ATAD5: variants seen among roughly 807,000 people sequenced by gnomAD.
ATAD5 encodes the protein ATPase family AAA domain-containing protein 5.
ATAD5 carries 58 observed loss-of-function variants against 176.9 expected under a neutral mutation model. That is an observed-to-expected ratio of 0.33 (90% CI 0.27 to 0.41). ATAD5 has a LOEUF of 0.41. Ranked by LOEUF, ATAD5 falls within the 10% of genes least tolerant of loss-of-function variation. The pLI, the probability that ATAD5 is intolerant of heterozygous loss-of-function variation, is 1.00. For synonymous variants in ATAD5, 640 were observed against 712.6 expected, an observed-to-expected ratio of 0.90 and a Z score of 1.62; for missense variants, 1,789 against 2,094.1, an observed-to-expected ratio of 0.85 and a Z score of 2.84.
intron 6 of ATAD5, among the ~76,000 whole-genome samples, chr17:30,850,833 TTATATATATA>T (rs1312470807): frequency 1.8e-3 from 49 of 27,838 alleles, no homozygotes; most frequent in South Asian, 6.8e-3. Flanking sequence ...TTATATATTT[TTATATATATA>T]TATATATATA....
At position 30,834,245 on chromosome 17, in the gene ATAD5, C is replaced by T; in HGVS notation, c.164C>T (p.Ala55Val). ...GGGAAGACTAGAGACAGGGTTTTTG[C>T]TCCACCAAAACCTAGTAATATTCTG... ...PLGKTRDRVF[A>V]PPKPSNILDY... is the part of the protein sequence containing the mutation. Residue 55 changes from alanine (A) to valine (V), a missense_variant, in exon 2 of 23, where the codon GCT becomes GTT. Ala to Val is a moderately conservative substitution (Grantham distance 64). Transcript: ENST00000321990. 1 of 1,612,710 alleles carries T rather than the reference C, an allele frequency of 6.2e-7. No individual in the cohort carries two copies. The highest frequency in any genetic ancestry group is 8.5e-7 in the Non-Finnish European group (1 of 1,179,466).
intron 9 of ATAD5, among the ~76,000 whole-genome samples, chr17:30,858,637 C>T (rs1907432475): frequency 6.6e-6 from 1 of 152,098 alleles, no homozygotes; most frequent in Admixed American, 6.6e-5. Flanking sequence ...CCATCTACCT[C>T]AGCCCCCCAA....
chr17:30,887,474 T>TG, intron 19 of ATAD5, 102 bp downstream of exon 19: 2 of 969,814 alleles, frequency 2.1e-6, no homozygotes, highest in Non-Finnish European at 3.1e-6. Context: ...CCCAGCACTT[T>TG]GGGGGAGTGA....
At chr17:30,880,443 TATTA>T (rs1456135353) in intron 18 of ATAD5, among the ~76,000 whole-genome samples, 5 of 151,906 alleles carry the variant, frequency 3.3e-5, no homozygotes, top group African/African-American at 1.2e-4. Flanking sequence ...ACCCCATCTC[TATTA>T]AAAATACAAA....
At chr17:30,880,907 C>T (rs1020441473) in intron 18 of ATAD5, among the ~76,000 whole-genome samples, 4 of 151,842 alleles carry the variant, frequency 2.6e-5, no homozygotes, top group African/African-American at 9.7e-5. Flanking sequence ...TTATGCAGAT[C>T]AGAATATAGA....
chr17:30,885,619 CTTTCTTTT>C (rs1909268758), intron 18 of ATAD5, among the ~76,000 whole-genome samples: 1 of 110,478 alleles, frequency 9.1e-6, no homozygotes, highest in Non-Finnish European at 1.9e-5. Context: ...TTTATTCCAA[CTTTCTTTT>C]TTTTTTTTTT....
Position 30,855,309 on chromosome 17 carries a change from G to A in ATAD5, c.2617G>A (p.Val873Met), listed in dbSNP as rs751079635. 1 of 1,590,666 alleles carries A rather than the reference G, an allele frequency of 6.3e-7. No individual in the cohort carries two copies. The highest frequency in any genetic ancestry group is 1.2e-5 in the South Asian group (1 of 86,698). ...TACCAGTTTCCAGAGAGTCGTACAT[G>A]TGCAACAAAAGGATGATGGTAAGTT... ...VSTSFQRVVH[V>M]QQKDDGCCLW... Residue 873 changes from valine to methionine, a missense_variant, in exon 7 of 23, where the codon GTG (valine) becomes ATG (methionine). By Grantham distance (21) the Val-to-Met change is conservative (BLOSUM62 1). Around this residue, in one of 6 missense-constraint regions of ATAD5, gnomAD observed 487 missense variants for 573.6 expected, o/e 0.85. Coordinates refer to ENST00000321990, the MANE Select transcript of ATAD5 (RefSeq NM_024857.5).
intron 19 of ATAD5, among the ~76,000 whole-genome samples, chr17:30,888,778 C>T (rs1909461870): frequency 6.6e-6 from 1 of 151,932 alleles, no homozygotes; most frequent in Non-Finnish European, 1.5e-5. Context: ...TTTAAAAAAA[C>T]ACACACAGGC....
At chr17:30,879,585 C>T (rs1305592931) in intron 18 of ATAD5, 98 bp downstream of exon 18, 35 of 1,048,328 alleles carry the variant, frequency 3.3e-5, no homozygotes, top group Non-Finnish European at 3.8e-5. Context: ...TTTTTTGAGA[C>T]GGAGTCTTGC....
At chr17:30,879,356 T>C in intron 17 of ATAD5, 67 bp from the exon 18 acceptor site, 1 of 1,556,522 alleles carries the variant, frequency 6.4e-7, no homozygotes, top group South Asian at 1.1e-5. Context: ...AAGTATAACT[T>C]GAAAAAGTTA....
In ATAD5 at chr17:30,835,861, A is replaced by C. The variant is rs377421631; in HGVS notation, c.1780A>C (p.Thr594Pro). The C allele has an allele frequency of 4.3e-6, 7 of 1,613,950 alleles. No individual in the cohort carries two copies. In the African/African-American group the frequency reaches 9.3e-5, roughly 22 times the overall value. The stretch of plus-strand genomic sequence containing the variant: ...GCTAAATGTTTCCACGCCCAAGTCA[A>C]CTAGAAGATCTGGAAGAATTAGCAG... ...SLLNVSTPKSTRRSGRISSTP... is the reference protein window; with the variant it reads ...SLLNVSTPKSPRRSGRISSTP... Residue 594 changes from threonine (T) to proline (P), a missense_variant, in exon 2 of 23, where the codon ACT (threonine) becomes CCT (proline). This residue lies in a region of ATAD5 where 696 missense variants were observed against 712.5 expected (regional missense o/e 0.98). Coordinates refer to ENST00000321990, the MANE Select transcript of ATAD5 (RefSeq NM_024857.5).
At chr17:30,865,297 C>T (rs558161918) in intron 10 of ATAD5, among the ~76,000 whole-genome samples, 1 of 151,982 alleles carries the variant, frequency 6.6e-6, no homozygotes, top group African/African-American at 2.4e-5. Context: ...CTCAGCCTCC[C>T]GAGTAGCTGG....
chr17:30,834,006 C>T, intron 1 of ATAD5, 142 bp from the exon 2 acceptor site: 1 of 715,858 alleles, frequency 1.4e-6, no homozygotes. Flanking sequence ...AGCCTATTTT[C>T]TTTCTAATAT....
intron 11 of ATAD5, among the ~76,000 whole-genome samples, chr17:30,866,759 G>A (rs1908011373): frequency 6.6e-6 from 1 of 152,024 alleles, no homozygotes; most frequent in African/African-American, 2.4e-5. Context: ...GGATTGCAGC[G>A]AGCCGAGGTC....
At chr17:30,864,124 A>C (rs1399977791) in intron 10 of ATAD5, 1 of 152,140 alleles carries the variant, frequency 6.6e-6, no homozygotes, top group East Asian at 1.9e-4. Flanking sequence ...TATGCCACAA[A>C]TTATTTCTCA....
At chr17:30,862,945 C>T (rs1177152473) in intron 10 of ATAD5, 1 of 151,880 alleles carries the variant, frequency 6.6e-6, no homozygotes, top group Non-Finnish European at 1.5e-5. Flanking sequence ...AATCCCAGCA[C>T]TTTGAGAGGC....
chr17:30,876,337 GA>G (rs1450479341), intron 14 of ATAD5, 36 bp from the exon 15 acceptor site: 1 of 1,532,150 alleles, frequency 6.5e-7, no homozygotes, highest in East Asian at 2.3e-5. Flanking sequence ...ATGATTTTTA[GA>G]ATATTTATCT....
At chr17:30,842,182 T>C (rs1022349511) in intron 4 of ATAD5, among the ~76,000 whole-genome samples, 8 of 151,820 alleles carry the variant, frequency 5.3e-5, no homozygotes, top group African/African-American at 1.5e-4. Context: ...GGCAGAAGAA[T>C]CACTTGAACC....
Position 30,835,665 on chromosome 17 carries a change from C to A in ATAD5, c.1584C>A (p.Phe528Leu). ...TAAGACAAAGGAAAACAGAGTTTTT[C>A]AAAAGCAGCACTTTATTTAACAATG... ...MSLRQRKTEF[F>L]KSSTLFNNES... Residue 528 changes from phenylalanine to leucine, a missense_variant, in exon 2 of 23, where the codon TTC becomes TTA. By Grantham distance (22) the Phe-to-Leu change is conservative (BLOSUM62 0). Transcript: ENST00000321990. 1 of 1,604,402 alleles carries A rather than the reference C, an allele frequency of 6.2e-7. No homozygotes were observed. The highest frequency in any genetic ancestry group is 1.1e-5 in the South Asian group (1 of 88,490).
Sources: gnomAD v4.1 joint callset for allele counts (sites outside exome capture counted in the v4.1 genomes callset) on GRCh38, gnomAD v4.1.1 for gene constraint, gnomAD v4.1.1 regional missense constraint, MANE v1.5 for transcripts, NCBI Gene and HGNC (gene_info 2026-07-23, HGNC 2026-07-21) for gene names.